The following DEUP1 variants were observed in gnomAD, a reference collection of about 807,000 sequenced individuals.
DEUP1 encodes the protein coiled-coil domain containing 67.
A neutral mutation model predicts 87.4 loss-of-function variants in DEUP1; 82 were observed. The observed-to-expected ratio is 0.94, with a 90% confidence interval of 0.78 to 1.13. The LOEUF is 1.13. Ranked by LOEUF, DEUP1 falls within the 50% of genes most tolerant of loss-of-function variation. The pLI is 0.00. For synonymous variants in DEUP1, 214 were observed against 222.7 expected, an observed-to-expected ratio of 0.96 and a Z score of 0.35; for missense variants, 663 against 681.5, an observed-to-expected ratio of 0.97 and a Z score of 0.30.
intron 11 of DEUP1, among the ~76,000 whole-genome samples, chr11:93,399,893 T>G (rs1947063884): frequency 6.6e-6 from 1 of 152,070 alleles, no homozygotes. Flanking sequence ...CTGGAAAGTT[T>G]TCTAGTTTTT....
intron 11 of DEUP1, among the ~76,000 whole-genome samples, chr11:93,398,384 C>A (rs1006607914): frequency 1.3e-5 from 2 of 152,030 alleles, no homozygotes; most frequent in Non-Finnish European, 2.9e-5. Context: ...AAGAAAAATC[C>A]TTATACTTAC....
intron 9 of DEUP1, among the ~76,000 whole-genome samples, chr11:93,392,460 A>G (rs1946794683): frequency 6.6e-6 from 1 of 152,216 alleles, no homozygotes; most frequent in Non-Finnish European, 1.5e-5. Context: ...GATGCATGTA[A>G]ACTACTTAGA....
intron 7 of DEUP1, among the ~76,000 whole-genome samples, chr11:93,383,811 T>TAGAG (rs1946413415): frequency 6.6e-6 from 1 of 152,010 alleles, no homozygotes; most frequent in African/African-American, 2.4e-5. Flanking sequence ...ACACTAGAGG[T>TAGAG]CTATTTAACT....
Position 93,437,743 on chromosome 11 carries a change from T to TCCCCCCCCCCC in DEUP1, c.*33_*34insCCCCCCCCCCC, listed in dbSNP as rs5793640. The TCCCCCCCCCCC allele has an allele frequency of 1.6e-5, 15 of 929,162 alleles. No homozygotes were observed. Among genetic ancestry groups the TCCCCCCCCCCC allele is most frequent in the African/African-American group, 9.9e-5 (5 of 50,546 alleles). The allele number at this position is 929,162 out of a possible 1,614,324, so 57.6% of individuals were successfully genotyped here. A position where few individuals can be genotyped will look rare whatever the true frequency, so the allele number is the denominator to read the frequency against. ...GAGCTTTTAAACTTTTTTATTTGCT[T>TCCCCCCCCCCC]CCCCCCCCCACCCCCGCCAAGAAAA... On this transcript the variant is annotated 3_prime_UTR_variant, in exon 14 of 14. Transcript: ENST00000298050.
chr11:93,431,963 A>C (rs1193769370), intron 13 of DEUP1, among the ~76,000 whole-genome samples: 4 of 152,196 alleles, frequency 2.6e-5, no homozygotes. Context: ...TTTACTAGAC[A>C]CCCAAACGTA....
chr11:93,337,256 T>TA (rs1183624626), intron 2 of DEUP1, among the ~76,000 whole-genome samples: 9 of 152,212 alleles, frequency 5.9e-5, no homozygotes, highest in Non-Finnish European at 8.8e-5. Context: ...CCCTCTGAGA[T>TA]ATATTAATCA....
At chr11:93,390,121 T>C (rs191052991) in intron 9 of DEUP1, among the ~76,000 whole-genome samples, 15 of 152,366 alleles carry the variant, frequency 9.8e-5, no homozygotes, top group South Asian at 4.1e-4. Context: ...TTTAATGCTA[T>C]AAAATCTAAA....
At chr11:93,372,720 T>A (rs1945804404) in intron 7 of DEUP1, among the ~76,000 whole-genome samples, 1 of 152,180 alleles carries the variant, frequency 6.6e-6, no homozygotes, top group African/African-American at 2.4e-5. Context: ...GAGGTCTTAT[T>A]CTAATACAAG....
intron 2 of DEUP1, among the ~76,000 whole-genome samples, chr11:93,349,871 C>T (rs985796936): frequency 6.6e-6 from 1 of 152,046 alleles, no homozygotes; most frequent in Admixed American, 6.6e-5. Context: ...CTATCACTTG[C>T]ATTTAGCAGA....
intron 7 of DEUP1, among the ~76,000 whole-genome samples, chr11:93,373,377 C>T (rs928321250): frequency 1.2e-4 from 18 of 151,870 alleles, no homozygotes; most frequent in Admixed American, 1.3e-4. Flanking sequence ...CTGAGTCCCC[C>T]AACATCATTC....
intron 8 of DEUP1, among the ~76,000 whole-genome samples, chr11:93,387,711 G>T (rs1467316513): frequency 1.3e-5 from 2 of 151,822 alleles, no homozygotes; most frequent in Admixed American, 6.6e-5. Context: ...TGCTTAGGAA[G>T]AATTAAAAAA....
chr11:93,414,425 T>C (rs1947541958), intron 12 of DEUP1, among the ~76,000 whole-genome samples: 1 of 152,158 alleles, frequency 6.6e-6, no homozygotes, highest in Non-Finnish European at 1.5e-5. Context: ...GAGAGTCTCT[T>C]GAACCTGGGA....
intron 11 of DEUP1, among the ~76,000 whole-genome samples, chr11:93,400,831 G>A (rs1947094564): frequency 6.6e-6 from 1 of 152,044 alleles, no homozygotes; most frequent in Non-Finnish European, 1.5e-5. Flanking sequence ...CAAACTTACA[G>A]CTAACATCAT....
chr11:93,348,704 C>T (rs111985261), intron 2 of DEUP1, among the ~76,000 whole-genome samples: 2 of 152,172 alleles, frequency 1.3e-5, no homozygotes, highest in East Asian at 1.9e-4. Context: ...CTTGTTTCTG[C>T]ACCTCTGTTT....
At chr11:93,382,653 T>C (rs1230138774) in intron 7 of DEUP1, among the ~76,000 whole-genome samples, 3 of 152,204 alleles carry the variant, frequency 2.0e-5, no homozygotes, top group Non-Finnish European at 4.4e-5. Context: ...TGAAAGCAGA[T>C]GCACTTTTCT....
chr11:93,355,142 C>G (rs1045457938), intron 2 of DEUP1, among the ~76,000 whole-genome samples: 2 of 152,098 alleles, frequency 1.3e-5, no homozygotes, highest in Non-Finnish European at 2.9e-5. Context: ...TTAGAATTAG[C>G]CTACTCTAAA....
chr11:93,368,517 C>T (rs1271344973), intron 5 of DEUP1, among the ~76,000 whole-genome samples: 3 of 152,132 alleles, frequency 2.0e-5, no homozygotes, highest in Non-Finnish European at 4.4e-5. Flanking sequence ...GGAAGCAAGG[C>T]ATGTCTTCAC....
chr11:93,345,699 G>T (rs977474805), intron 2 of DEUP1, among the ~76,000 whole-genome samples: 1 of 152,012 alleles, frequency 6.6e-6, no homozygotes, highest in Non-Finnish European at 1.5e-5. Flanking sequence ...TCTAAATGGG[G>T]TTGTTTGCTT....
rs549365756 is a variant in DEUP1 at position 93,406,459 on chromosome 11, A to AT, written c.1327-1772_1327-1771insT. Among the ~76,000 whole-genome samples, 239 of 148,904 alleles carry AT rather than the reference A, an allele frequency of 1.6e-3. 1 individual carries two copies. Among genetic ancestry groups the AT allele is most frequent in the African/African-American group, 5.6e-3 (229 of 41,162 alleles). On this transcript the variant is annotated intron_variant, in intron 11 of 13. Coordinates refer to ENST00000298050, the MANE Select transcript of DEUP1 (RefSeq NM_181645.4). ...AACTTTAAGTCTTTTCTCATTTTGT[A>AT]CAAAATTAATACCAAATAACTAAAT...
Sources: allele counts gnomAD v4.1 joint callset (sites outside exome capture counted in the v4.1 genomes callset), GRCh38; gene constraint gnomAD v4.1.1; transcripts MANE v1.5; gene names NCBI Gene and HGNC (gene_info 2026-07-23, HGNC 2026-07-21).